The following MIGA1 variants were observed in gnomAD, a reference collection of about 807,000 sequenced individuals.
The protein encoded by MIGA1 is family with sequence similarity 73, member A.
A neutral mutation model predicts 82.0 loss-of-function variants in MIGA1; 58 were observed. The ratio of observed to expected loss-of-function variants is 0.71; its 90% CI spans 0.57 to 0.88. The LOEUF is 0.88. Among genes scored for constraint, MIGA1 ranks in the 40% least tolerant of loss-of-function variants. The probability of loss-of-function intolerance (pLI) is 0.00; values close to 1 mark genes in which losing one functional copy is unlikely to be tolerated. For synonymous variants in MIGA1, 249 were observed against 253.6 expected (o/e 0.98, Z 0.17); for missense variants, 751 against 749.1 (o/e 1.00, Z -0.03).
intron 5 of MIGA1, 121 bp downstream of exon 5, chr1:77,807,222 C>A: frequency 1.6e-6 from 1 of 630,644 alleles, no homozygotes; most frequent in Non-Finnish European, 2.6e-6. Flanking sequence ...AGTACGGTGG[C>A]GCGATTACTG....
At chr1:77,806,951 A>G (rs753094975) in intron 4 of MIGA1, 24 bp from the exon 5 acceptor site, 1 of 1,572,606 alleles carries the variant, frequency 6.4e-7, no homozygotes, top group Non-Finnish European at 8.7e-7. Context: ...GATTTGAAGT[A>G]ACTTCTATCC....
At chr1:77,861,421 C>G (rs1032658440) in intron 12 of MIGA1, 99 bp downstream of exon 12, 1 of 787,406 alleles carries the variant, frequency 1.3e-6, no homozygotes, top group African/African-American at 1.8e-5. Flanking sequence ...TTAAATAAAG[C>G]CAATTGTATG....
intron 7 of MIGA1, among the ~76,000 whole-genome samples, chr1:77,821,047 T>C (rs1683787143): frequency 6.6e-6 from 1 of 151,852 alleles, no homozygotes; most frequent in African/African-American, 2.4e-5. Context: ...GGCAGGAGAA[T>C]CACCTGAAGC....
chr1:77,828,804 C>T (rs1684126956), intron 7 of MIGA1, among the ~76,000 whole-genome samples: 1 of 152,144 alleles, frequency 6.6e-6, no homozygotes, highest in African/African-American at 2.4e-5. Context: ...TTCCAAGTAG[C>T]TGGGACTACA....
intron 6 of MIGA1, among the ~76,000 whole-genome samples, chr1:77,814,246 G>GT (rs1229329813): frequency 6.6e-6 from 1 of 152,024 alleles, no homozygotes; most frequent in African/African-American, 2.4e-5. Context: ...TAATAGAACT[G>GT]TTTTTTTCTT....
chr1:77,841,887 C>T (rs1020244622), intron 7 of MIGA1, among the ~76,000 whole-genome samples: 3 of 150,588 alleles, frequency 2.0e-5, no homozygotes, highest in Admixed American at 1.3e-4. Flanking sequence ...CAGCCTCAAA[C>T]TCCTGGAGTC....
intron 7 of MIGA1, among the ~76,000 whole-genome samples, chr1:77,825,416 A>C (rs940664273): frequency 6.6e-5 from 10 of 152,196 alleles, no homozygotes; most frequent in Non-Finnish European, 1.0e-4. Context: ...CACTTATAAG[A>C]CCGTTTAGTG....
At chr1:77,841,035 T>C (rs1031954394) in intron 7 of MIGA1, among the ~76,000 whole-genome samples, 1 of 152,138 alleles carries the variant, frequency 6.6e-6, no homozygotes, top group African/African-American at 2.4e-5. Flanking sequence ...AAGAGAATTA[T>C]GGGAGTTTTT....
chr1:77,831,413 A>C (rs1684240275), intron 7 of MIGA1, among the ~76,000 whole-genome samples: 1 of 152,040 alleles, frequency 6.6e-6, no homozygotes, highest in Non-Finnish European at 1.5e-5. Flanking sequence ...TGTCTATGCT[A>C]TGTAGGTAAT....
At chr1:77,806,157 A>G (rs935379388) in intron 4 of MIGA1, among the ~76,000 whole-genome samples, 2 of 152,230 alleles carry the variant, frequency 1.3e-5, no homozygotes, top group Admixed American at 6.5e-5. Flanking sequence ...TGTAGGCTAT[A>G]TGTTGTAACT....
intron 2 of MIGA1, among the ~76,000 whole-genome samples, chr1:77,800,979 T>G (rs182544114): frequency 2.0e-5 from 3 of 152,298 alleles, no homozygotes; most frequent in African/African-American, 4.8e-5. Flanking sequence ...AAAGCTCAGT[T>G]TAATCATCCC....
intron 7 of MIGA1, among the ~76,000 whole-genome samples, chr1:77,827,928 T>C (rs1258578826): frequency 6.6e-6 from 1 of 151,796 alleles, no homozygotes; most frequent in East Asian, 1.9e-4. Flanking sequence ...TGTGGTGGTG[T>C]GCATCTGTGG....
rs755247055 is a variant in MIGA1 at position 77,795,560 on chromosome 1, C to T, written c.196-5771C>T. 9.2e-5 allele frequency among the ~76,000 whole-genome samples: 14 copies of T among 151,808 alleles called. No homozygotes were observed. The Middle Eastern group carries it at 0.01, about 111-fold the overall frequency. On this transcript the variant is annotated intron_variant, in intron 2 of 15. Transcript: ENST00000370791. ...TGTTGCCCAGGCTGGTCTCAAACTC[C>T]GGCTCAAGTGATCTCTCCACCTTGT...
intron 5 of MIGA1, chr1:77,811,305 C>T (rs539472159): frequency 1.2e-6 from 2 of 1,603,674 alleles, no homozygotes; most frequent in African/African-American, 2.7e-5. Flanking sequence ...CCGATGGCAA[C>T]CTTGGTAATA....
chr1:77,859,256 T>G, intron 9 of MIGA1, 58 bp from the exon 10 acceptor site: 3 of 1,400,392 alleles, frequency 2.1e-6, no homozygotes, highest in Non-Finnish European at 3.0e-6. Context: ...AATCCAAATT[T>G]ATAGTAGGCT....
intron 4 of MIGA1, among the ~76,000 whole-genome samples, chr1:77,806,745 A>G (rs1191590695): frequency 6.6e-6 from 1 of 152,216 alleles, no homozygotes; most frequent in African/African-American, 2.4e-5. Flanking sequence ...GAAATAAGTG[A>G]TTTACATTCA....
chr1:77,867,579 C>T (rs1235413696), intron 14 of MIGA1, among the ~76,000 whole-genome samples: 1 of 152,064 alleles, frequency 6.6e-6, no homozygotes, highest in African/African-American at 2.4e-5. Flanking sequence ...CTTCCAGTCT[C>T]GGCCTCCCAA....
chr1:77,810,648 C>T (rs1402336845), intron 5 of MIGA1, among the ~76,000 whole-genome samples: 1 of 152,048 alleles, frequency 6.6e-6, no homozygotes, highest in Non-Finnish European at 1.5e-5. Flanking sequence ...GTTTCAAAAT[C>T]TACAATAAAC....
At chr1:77,826,388 T>C (rs1684028279) in intron 7 of MIGA1, among the ~76,000 whole-genome samples, 1 of 152,212 alleles carries the variant, frequency 6.6e-6, no homozygotes, top group Non-Finnish European at 1.5e-5. Flanking sequence ...TTACTGATTT[T>C]CCCTCATCTC....
Sources: gnomAD v4.1 joint callset for allele counts (sites outside exome capture counted in the v4.1 genomes callset) on GRCh38, gnomAD v4.1.1 for gene constraint, MANE v1.5 for transcripts, NCBI Gene and HGNC (gene_info 2026-07-23, HGNC 2026-07-21) for gene names.